Variants in DOCK4 observed in about 807,000 individuals in gnomAD.
The protein encoded by DOCK4 is dedicator of cytokinesis 4.
In DOCK4, 97 loss-of-function variants were observed where a neutral mutation model predicts 268.1. That is an observed-to-expected ratio of 0.36 (90% CI 0.31 to 0.43). The LOEUF is 0.43. Ranked by LOEUF, DOCK4 falls within the 20% of genes least tolerant of loss-of-function variation. The pLI, the probability that DOCK4 is intolerant of heterozygous loss-of-function variation, is 1.00. For synonymous variants in DOCK4, 954 were observed against 887.2 expected (o/e 1.08, Z -1.34); for missense variants, 2,145 against 2,455.7 (o/e 0.87, Z 2.67).
intron 21 of DOCK4, among the ~76,000 whole-genome samples, chr7:111,869,227 T>C (rs746771818): frequency 3.3e-5 from 5 of 152,124 alleles, no homozygotes; most frequent in Non-Finnish European, 5.9e-5. Context: ...ATGGTCTCTG[T>C]CAGGTTGGTG....
chr7:112,014,687 T>C (rs758646509), intron 1 of DOCK4, among the ~76,000 whole-genome samples: 1 of 152,166 alleles, frequency 6.6e-6, no homozygotes, highest in Non-Finnish European at 1.5e-5. Context: ...TGGAAAAAAA[T>C]TAAGCCCACT....
At position 112,102,753 on chromosome 7, in the gene DOCK4, C is replaced by A. The variant is rs191051983; in HGVS notation, c.38-98622G>T. Among the ~76,000 whole-genome samples, 840 of 152,324 alleles carry A rather than the reference C, an allele frequency of 5.5e-3. 6 individuals are homozygous for A. Among genetic ancestry groups the A allele is most frequent in the African/African-American group, 0.019 (791 of 41,576 alleles). On this transcript the variant is annotated intron_variant, in intron 1 of 52. Transcript: ENST00000428084. ...AGTGAGAAAATATTTGTTCTTTCAG[C>A]TGCCCAGTCTATGATATTTTTGTTA...
At chr7:111,935,373 T>C in intron 12 of DOCK4, 167 bp downstream of exon 12, 1 of 697,918 alleles carries the variant, frequency 1.4e-6, no homozygotes, top group South Asian at 1.5e-5. Context: ...AGTACAACCC[T>C]ATCATAGCAT....
At chr7:111,884,127 A>C (rs1043883491) in intron 16 of DOCK4, among the ~76,000 whole-genome samples, 3 of 152,212 alleles carry the variant, frequency 2.0e-5, no homozygotes, top group African/African-American at 7.2e-5. Context: ...TGAAAAACTT[A>C]AGCTATCACA....
intron 26 of DOCK4, among the ~76,000 whole-genome samples, chr7:111,827,657 T>TAG (rs1430180112): frequency 6.6e-6 from 1 of 151,826 alleles, no homozygotes; most frequent in Non-Finnish European, 1.5e-5. Flanking sequence ...GCATTACAGA[T>TAG]AGAAAAAAAA....
chr7:111,810,960 T>C (rs57326375), intron 28 of DOCK4, among the ~76,000 whole-genome samples: 10,595 of 152,074 alleles, frequency 0.07, 1,246 homozygotes, highest in African/African-American at 0.24. Context: ...CGAGACTGCG[T>C]CACTGCATTC....
At chr7:112,186,093 G>A (rs1819479741) in intron 1 of DOCK4, among the ~76,000 whole-genome samples, 1 of 152,220 alleles carries the variant, frequency 6.6e-6, no homozygotes, top group Non-Finnish European at 1.5e-5. Flanking sequence ...GATCTCCATT[G>A]GAAGCAGACC....
At chr7:112,008,184 G>T (rs1430611088) in intron 1 of DOCK4, among the ~76,000 whole-genome samples, 1 of 152,116 alleles carries the variant, frequency 6.6e-6, no homozygotes, top group East Asian at 1.9e-4. Context: ...AGTCATACGG[G>T]CCCTGAGAGC....
chr7:111,906,710 T>G (rs746568498), intron 13 of DOCK4, among the ~76,000 whole-genome samples: 2 of 152,040 alleles, frequency 1.3e-5, no homozygotes, highest in Non-Finnish European at 2.9e-5. Flanking sequence ...CACAGGGTCC[T>G]TGAAAAAGGG....
At chr7:111,834,091 T>C (rs1425669828) in intron 26 of DOCK4, among the ~76,000 whole-genome samples, 2 of 152,340 alleles carry the variant, frequency 1.3e-5, no homozygotes, top group African/African-American at 2.4e-5. Context: ...TCCTATTTAA[T>C]GTCAGCTTGT....
chr7:111,861,652 G>A (rs949333039), intron 23 of DOCK4, among the ~76,000 whole-genome samples: 11 of 150,822 alleles, frequency 7.3e-5, no homozygotes, highest in Admixed American at 2.6e-4. Flanking sequence ...AGGCTGAGAC[G>A]GGAGAATCAT....
At chr7:112,141,162 G>C (rs1371644946) in intron 1 of DOCK4, among the ~76,000 whole-genome samples, 2 of 152,084 alleles carry the variant, frequency 1.3e-5, no homozygotes, top group Non-Finnish European at 2.9e-5. Context: ...AGCTTTAATT[G>C]CAAAGCTCAG....
intron 1 of DOCK4, among the ~76,000 whole-genome samples, chr7:112,028,804 T>C (rs909867516): frequency 6.6e-6 from 1 of 152,188 alleles, no homozygotes; most frequent in Non-Finnish European, 1.5e-5. Flanking sequence ...CTCACTGGGT[T>C]CCCTTTGTCC....
At chr7:111,946,859 G>A (rs996904758) in intron 8 of DOCK4, among the ~76,000 whole-genome samples, 1 of 152,232 alleles carries the variant, frequency 6.6e-6, no homozygotes, top group South Asian at 2.1e-4. Context: ...TGGGATTACA[G>A]GCATGAGTCA....
rs572303740 is a variant in DOCK4, at chr7:112,127,769, AC to A, written c.37+78332del. 1.7e-3 allele frequency among the ~76,000 whole-genome samples: 265 copies of A among 152,298 alleles called. 4 individuals are homozygous for A. The highest frequency in any genetic ancestry group is 0.016 in the Admixed American group (251 of 15,296). ...AGCTTGGCTGGGTGCGGCGGCTAGC[AC>A]CTGTAATCCCTGCACTTTGGGAGGC... On this transcript the variant is annotated intron_variant, in intron 1 of 52. Transcript: ENST00000428084.
chr7:111,749,898 T>C (rs183746835), intron 42 of DOCK4, among the ~76,000 whole-genome samples: 3 of 152,328 alleles, frequency 2.0e-5, no homozygotes, highest in Non-Finnish European at 4.4e-5. Context: ...GTGTAAACGA[T>C]ATATCCCATT....
chr7:112,185,870 G>A (rs747694406), intron 1 of DOCK4, among the ~76,000 whole-genome samples: 1 of 152,036 alleles, frequency 6.6e-6, no homozygotes, highest in African/African-American at 2.4e-5. Context: ...CTACTGCCAG[G>A]TGGGAAGGTG....
chr7:111,959,381 C>T (rs1796686940), intron 8 of DOCK4, among the ~76,000 whole-genome samples: 1 of 152,146 alleles, frequency 6.6e-6, no homozygotes, highest in Non-Finnish European at 1.5e-5. Context: ...GATTTTATAA[C>T]ATGAAGCTAC....
intron 1 of DOCK4, among the ~76,000 whole-genome samples, chr7:112,070,488 A>G (rs73210923): frequency 0.49 from 74,317 of 151,510 alleles, 19,466 homozygotes; most frequent in African/African-American, 0.69. Context: ...AATATTTCTC[A>G]GGGAAATAGG....
Sources: gnomAD v4.1 joint callset for allele counts (sites outside exome capture counted in the v4.1 genomes callset) on GRCh38, gnomAD v4.1.1 for gene constraint, MANE v1.5 for transcripts, NCBI Gene and HGNC (gene_info 2026-07-23, HGNC 2026-07-21) for gene names.